Variants in MUC17 observed in about 807,000 individuals in gnomAD.
MUC17 encodes mucin-17.
A neutral mutation model predicts 170.3 loss-of-function variants in MUC17; 190 were observed. That is an observed-to-expected ratio of 1.12 (90% confidence interval 0.99 to 1.26). The LOEUF is 1.26. Ranked by LOEUF, MUC17 falls within the 50% of genes most tolerant of loss-of-function variation. The pLI, the probability that MUC17 is intolerant of heterozygous loss-of-function variation, is 0.00. For missense variants in MUC17, 6,415 were observed against 5,530.0 expected, an observed-to-expected ratio of 1.16 and a Z score of -5.08; for synonymous variants, 2,325 against 2,002.5, an observed-to-expected ratio of 1.16 and a Z score of -4.30.
chr7:101,040,788 C>G lies in MUC17; in HGVS notation c.9372C>G (p.Thr3124=). 2.5e-6 allele frequency: 4 copies of G among 1,613,198 alleles called. No individual in the cohort carries two copies. Among genetic ancestry groups the G allele is most frequent in the Non-Finnish European group, 3.4e-6 (4 of 1,179,644 alleles). The change falls in exon 3 of 13, where the codon ACC becomes ACG. Residue 3124 remains threonine (T), a synonymous_variant. Transcript: ENST00000306151. ...TTPVTSSAIS[T]LSTTPVDTST... is the part of the protein sequence containing the mutation. Reference sequence around the variant, plus strand: ...CGGTGACCAGTTCTGCAATCAGCACCCTTTCAACAACTCCTGTTGACACCA... The same window carrying G: ...CGGTGACCAGTTCTGCAATCAGCACGCTTTCAACAACTCCTGTTGACACCA...
In MUC17 at chr7:101,031,718, A is replaced by G. The variant is rs113885736; in HGVS notation, c.302A>G (p.Asp101Gly). 1 of 1,612,546 alleles carries G rather than the reference A, an allele frequency of 6.2e-7. No homozygotes were observed. The highest frequency in any genetic ancestry group is 1.1e-5 in the South Asian group (1 of 90,956). ...TCGATTGAGTCCAGTGTGACTTCAG[A>G]CACTCCTGGTGTCTCCAGTACCAGG... Reference protein sequence around the residue: ...MTSIESSVTSDTPGVSSTRMT... With the variant: ...MTSIESSVTSGTPGVSSTRMT... The change falls in exon 3 of 13, where the codon GAC becomes GGC. Residue 101 changes from aspartate (D) to glycine (G), a missense_variant. Asp to Gly is a moderately conservative substitution (Grantham distance 94). Coordinates refer to ENST00000306151, the MANE Select transcript of MUC17 (RefSeq NM_001040105.2).
Position 101,038,561 on chromosome 7 carries a change from C to T in MUC17, c.7145C>T (p.Ala2382Val). Residue 2382 changes from alanine (A) to valine (V), a missense_variant, in exon 3 of 13, where the codon GCT becomes GTT. Physicochemically the swap from Ala to Val is moderately conservative, Grantham distance 64. Coordinates refer to ENST00000306151, the MANE Select transcript of MUC17 (RefSeq NM_001040105.2). Reference protein sequence around the residue: ...YSQAGSSPTTADDTSMPTSTY... With the variant: ...YSQAGSSPTTVDDTSMPTSTY... ...CAAGCCGGTTCATCTCCTACAACTGCTGACGATACTAGCATGCCAACCTCA... is the reference window on the plus strand; with the variant it reads ...CAAGCCGGTTCATCTCCTACAACTGTTGACGATACTAGCATGCCAACCTCA... 2 of 1,614,162 alleles carry T rather than the reference C, an allele frequency of 1.2e-6. No individual in the cohort carries two copies. Among genetic ancestry groups the T allele is most frequent in the Non-Finnish European group, 1.7e-6 (2 of 1,180,010 alleles).
rs375249312 is a variant in MUC17 at position 101,031,854 on chromosome 7, C to T, written c.438C>T (p.Asp146=). ...TSSPTTPEGT[D]VPMSTPSEES... is the part of the protein sequence containing the mutation. ...CTCCTACAACTCCTGAAGGCACCGACGTGCCCATGTCAACACCAAGTGAAG... is the reference window on the plus strand; with the variant it reads ...CTCCTACAACTCCTGAAGGCACCGATGTGCCCATGTCAACACCAAGTGAAG... The change falls in exon 3 of 13, where the codon GAC becomes GAT. Residue 146 remains aspartate, a synonymous_variant. Transcript: ENST00000306151. The T allele has an allele frequency of 6.6e-5, 107 of 1,614,060 alleles. 1 individual carries two copies. The African/African-American group carries it at 7.6e-4, about 11-fold the overall frequency.
Position 101,034,037 on chromosome 7 carries a change from CCA to C in MUC17, c.2625_2626del (p.Leu876GlyfsTer15). 6.2e-7 allele frequency: 1 copy of C among 1,601,700 alleles called. No individual in the cohort carries two copies. Among genetic ancestry groups the C allele is most frequent in the Non-Finnish European group, 8.5e-7 (1 of 1,173,226 alleles). ...CCTTTAACAAGTATGCCTGTCAGCA[CCA>C]CACTGGTGGCCACTTCTGCAATCAG... On this transcript the variant is annotated frameshift_variant, in exon 3 of 13. Transcript: ENST00000306151. LOFTEE classifies it high-confidence loss of function.
intron 1 of MUC17, among the ~76,000 whole-genome samples, chr7:101,027,889 G>A (rs10242596): frequency 0.038 from 5,791 of 151,644 alleles, 285 homozygotes; most frequent in East Asian, 0.17. Flanking sequence ...CTCCTGTCTC[G>A]GCCTCTCAAG....
rs769903707 is a variant in MUC17 at position 101,043,182 on chromosome 7, C to A, written c.11766C>A (p.Thr3922=). 1.2e-6 allele frequency: 2 copies of A among 1,614,132 alleles called. No individual in the cohort carries two copies. Among genetic ancestry groups the A allele is most frequent in the Non-Finnish European group, 1.7e-6 (2 of 1,180,022 alleles). ...TASTPTIPVA[T]TISVSVITEG... ...CAACTCCCACAATTCCTGTAGCCACCACCATATCTGTATCAGTGATCACAG... is the reference window on the plus strand; with the variant it reads ...CAACTCCCACAATTCCTGTAGCCACAACCATATCTGTATCAGTGATCACAG... Residue 3922 remains threonine, a synonymous_variant, in exon 3 of 13, where the codon ACC becomes ACA. Transcript: ENST00000306151.
rs759685454 is a variant in MUC17 at position 101,039,509 on chromosome 7, T to C, written c.8093T>C (p.Leu2698Pro). ...AGAAGCACTCCATTAACAAATATAC[T>C]TGTCAGCACCACGCTGTTGGCCAAT... The part of the protein sequence containing the change: ...GERSTPLTNI[L>P]VSTTLLANSE... The change falls in exon 3 of 13, where the codon CTT becomes CCT. Residue 2698 changes from leucine (L) to proline (P), a missense_variant. By Grantham distance (98) the Leu-to-Pro change is moderately conservative. Coordinates refer to ENST00000306151, the MANE Select transcript of MUC17 (RefSeq NM_001040105.2). 22 of 1,604,336 alleles carry C rather than the reference T, an allele frequency of 1.4e-5. 1 individual carries two copies. In the African/African-American group the frequency reaches 1.5e-4, roughly 11 times the overall value.
chr7:101,050,740 G>C lies in MUC17; in HGVS notation c.12874+105G>C, dbSNP rs1035902605. 5 of 1,460,658 alleles carry C rather than the reference G, an allele frequency of 3.4e-6. No individual in the cohort carries two copies. The African/African-American group carries it at 7.0e-5, about 20-fold the overall frequency. The allele number at this position is 1,460,658 out of a possible 1,614,324, so 90.5% of individuals were successfully genotyped here. On this transcript the variant is annotated intron_variant, in intron 7 of 12. Transcript: ENST00000306151. Reference sequence around the variant, plus strand: ...GAGTGAGGATGGTTAATGGGTGGGTGCAAGAATCACTGTGGGGTCCTAGAG... The same window carrying C: ...GAGTGAGGATGGTTAATGGGTGGGTCCAAGAATCACTGTGGGGTCCTAGAG...
In MUC17 at chr7:101,040,178, C is replaced by T; in HGVS notation, c.8762C>T (p.Ser2921Leu). Residue 2921 changes from serine (S) to leucine (L), a missense_variant, in exon 3 of 13, where the codon TCA (serine) becomes TTA (leucine). Physicochemically the swap from Ser to Leu is moderately radical, Grantham distance 145. Coordinates refer to ENST00000306151, the MANE Select transcript of MUC17 (RefSeq NM_001040105.2). Reference protein sequence around the residue: ...TTAEGTSMPISTPSEVSTPLT... With the variant: ...TTAEGTSMPILTPSEVSTPLT... ...GCTGAAGGTACCAGCATGCCAATCT[C>T]AACTCCTAGTGAAGTAAGTACTCCA... 1 of 1,613,322 alleles carries T rather than the reference C, an allele frequency of 6.2e-7. No homozygotes were observed. The highest frequency in any genetic ancestry group is 2.2e-5 in the East Asian group (1 of 44,850).
intron 11 of MUC17, among the ~76,000 whole-genome samples, chr7:101,055,717 T>C (rs1795033534): frequency 6.6e-6 from 1 of 152,048 alleles, no homozygotes; most frequent in Non-Finnish European, 1.5e-5. Flanking sequence ...ATTACCTGAG[T>C]CCACAAGAAA....
chr7:101,038,037 T>A lies in MUC17; in HGVS notation c.6621T>A (p.Gly2207=). 1.3e-6 allele frequency: 2 copies of A among 1,594,274 alleles called. No individual in the cohort carries two copies. Among genetic ancestry groups the A allele is most frequent in the Non-Finnish European group, 1.7e-6 (2 of 1,169,644 alleles). ...GTTCATCTCCTACAACTTCTGAAGGTACCAGCATGCCAACCTCAACTCCTA... is the reference window on the plus strand; with the variant it reads ...GTTCATCTCCTACAACTTCTGAAGGAACCAGCATGCCAACCTCAACTCCTA... ...EARSSPTTSE[G]TSMPTSTPSE... is the part of the protein sequence containing the mutation. Residue 2207 remains glycine, a synonymous_variant, in exon 3 of 13, where the codon GGT becomes GGA. Coordinates refer to ENST00000306151, the MANE Select transcript of MUC17 (RefSeq NM_001040105.2).
Position 101,040,295 on chromosome 7 carries a change from C to A in MUC17, c.8879C>A (p.Thr2960Asn), listed in dbSNP as rs766216835. 1.2e-6 allele frequency: 2 copies of A among 1,611,168 alleles called. No homozygotes were observed. The highest frequency in any genetic ancestry group is 8.5e-7 in the Non-Finnish European group (1 of 1,178,744). The change falls in exon 3 of 13, where the codon ACC becomes AAC. Residue 2960 changes from threonine (T) to asparagine (N), a missense_variant. Physicochemically the swap from Thr to Asn is moderately conservative, Grantham distance 65 (BLOSUM62 0). Coordinates refer to ENST00000306151, the MANE Select transcript of MUC17 (RefSeq NM_001040105.2). ...TTPVDTRTPVTTSAEASSSPT... is the reference protein window; with the variant it reads ...TTPVDTRTPVNTSAEASSSPT... Reference sequence around the variant, plus strand: ...CCTGTTGACACCAGGACACCTGTCACCACTTCTGCTGAAGCTAGTTCTTCT... The same window carrying A: ...CCTGTTGACACCAGGACACCTGTCAACACTTCTGCTGAAGCTAGTTCTTCT...
In MUC17 at chr7:101,038,814, G is replaced by A. The variant is rs752258367; in HGVS notation, c.7398G>A (p.Thr2466=). ...TPLASMPVST[T]PVVSSEAGTL... Reference sequence around the variant, plus strand: ...TAGCAAGTATGCCTGTCAGCACCACGCCGGTGGTCAGTTCTGAGGCTGGCA... The same window carrying A: ...TAGCAAGTATGCCTGTCAGCACCACACCGGTGGTCAGTTCTGAGGCTGGCA... Residue 2466 remains threonine, a synonymous_variant, in exon 3 of 13, where the codon ACG becomes ACA. Coordinates refer to ENST00000306151, the MANE Select transcript of MUC17 (RefSeq NM_001040105.2). 3.7e-6 allele frequency: 6 copies of A among 1,612,648 alleles called. No individual in the cohort carries two copies. Among genetic ancestry groups the A allele is most frequent in the African/African-American group, 2.7e-5 (2 of 74,906 alleles).
Position 101,041,573 on chromosome 7 carries a change from G to A in MUC17, c.10157G>A (p.Gly3386Asp). The A allele has an allele frequency of 1.2e-6, 2 of 1,609,582 alleles. No individual in the cohort carries two copies. Among genetic ancestry groups the A allele is most frequent in the Non-Finnish European group, 1.7e-6 (2 of 1,178,742 alleles). The change falls in exon 3 of 13, where the codon GGT (glycine) becomes GAT (aspartate). Residue 3386 changes from glycine to aspartate, a missense_variant. Transcript: ENST00000306151. ...EASLSPTTAE[G>D]TSIPTSSPSE... ...AGTTTATCTCCTACAACTGCTGAAG[G>A]TACCAGCATACCAACCTCAAGTCCT...
At position 101,036,359 on chromosome 7, in the gene MUC17, C is replaced by T. The variant is rs751333095; in HGVS notation, c.4943C>T (p.Ala1648Val). 3.7e-6 allele frequency: 6 copies of T among 1,613,128 alleles called. No individual in the cohort carries two copies. The highest frequency in any genetic ancestry group is 1.7e-4 in the Middle Eastern group (1 of 6,058). ...VSTTPVASPEASTLSTTPVDS... is the reference protein window; with the variant it reads ...VSTTPVASPEVSTLSTTPVDS... ...ACCACGCCGGTGGCCAGTCCTGAGG[C>T]TAGCACCCTTTCAACAACTCCTGTT... Residue 1648 changes from alanine to valine, a missense_variant, in exon 3 of 13, where the codon GCT becomes GTT. Ala to Val is a moderately conservative substitution (Grantham distance 64). Coordinates refer to ENST00000306151, the MANE Select transcript of MUC17 (RefSeq NM_001040105.2).
In MUC17 at chr7:101,038,132, C is replaced by T; in HGVS notation, c.6716C>T (p.Thr2239Ile). The change falls in exon 3 of 13, where the codon ACC (threonine) becomes ATC (isoleucine). Residue 2239 changes from threonine (T) to isoleucine (I), a missense_variant. By Grantham distance (89) the Thr-to-Ile change is moderately conservative (BLOSUM62 -1). Transcript: ENST00000306151. ...TMPVVTSEAS[T>I]LSATPVDTST... is the part of the protein sequence containing the mutation. ...CCGGTAGTTACTTCTGAGGCTAGCA[C>T]CCTTTCAGCAACTCCTGTTGACACC... 6.2e-7 allele frequency: 1 copy of T among 1,608,218 alleles called. No individual in the cohort carries two copies. The highest frequency in any genetic ancestry group is 1.3e-5 in the African/African-American group (1 of 74,564).
Position 101,034,346 on chromosome 7 carries a change from C to T in MUC17, c.2930C>T (p.Thr977Ile), listed in dbSNP as rs551784528. The part of the protein sequence containing the change: ...TAEGTSIPTS[T>I]PSEGTTPLTS... ...GAAGGTACCAGCATACCAACCTCGA[C>T]TCCTAGTGAAGGAACGACTCCATTA... Residue 977 changes from threonine (T) to isoleucine (I), a missense_variant, in exon 3 of 13, where the codon ACT becomes ATT. Coordinates refer to ENST00000306151, the MANE Select transcript of MUC17 (RefSeq NM_001040105.2). 2.2e-5 allele frequency: 35 copies of T among 1,608,608 alleles called. No individual in the cohort carries two copies. The highest frequency in any genetic ancestry group is 3.0e-5 in the Non-Finnish European group (35 of 1,177,708).
At chr7:101,050,414 C>A in intron 6 of MUC17, 70 bp from the exon 7 acceptor site, 7 of 1,553,392 alleles carry the variant, frequency 4.5e-6, no homozygotes, top group Non-Finnish European at 6.1e-6. Flanking sequence ...GAGGGTGAAG[C>A]TTGCCTGGTA....
rs199906340 is a variant in MUC17 at position 101,042,667 on chromosome 7, A to C, written c.11251A>C (p.Ile3751Leu). The stretch of plus-strand genomic sequence containing the variant: ...CATGTCTGTGTCAATGCCCATGGAA[A>C]TAAGCACCCTTGGGACCACTATTCT... ...TTMSVSMPME[I>L]STLGTTILVS... The change falls in exon 3 of 13, where the codon ATA becomes CTA. Residue 3751 changes from isoleucine to leucine, a missense_variant. Transcript: ENST00000306151. 123 of 1,614,000 alleles carry C rather than the reference A, an allele frequency of 7.6e-5. 1 individual carries two copies. In the Middle Eastern group the frequency reaches 1.6e-3, roughly 22 times the overall value.
Sources: allele counts gnomAD v4.1 joint callset (sites outside exome capture counted in the v4.1 genomes callset), GRCh38; gene constraint gnomAD v4.1.1; transcripts MANE v1.5; gene names NCBI Gene and HGNC (gene_info 2026-07-23, HGNC 2026-07-21).